BRINP3: variants seen among roughly 807,000 people sequenced by gnomAD.
BRINP3 encodes the protein BMP/retinoic acid-inducible neural-specific protein 3.
BRINP3 carries 19 observed loss-of-function variants against 71.0 expected under a neutral mutation model. That is an observed-to-expected ratio of 0.27 (90% CI 0.19 to 0.39). The LOEUF (loss-of-function observed/expected upper bound fraction) is 0.39. Ranked by LOEUF, BRINP3 falls within the 10% of genes least tolerant of loss-of-function variation. The pLI is 1.00. For synonymous variants in BRINP3, 380 were observed against 337.7 expected, an observed-to-expected ratio of 1.13 and a Z score of -1.37; for missense variants, 959 against 940.8, an observed-to-expected ratio of 1.02 and a Z score of -0.25.
intron 3 of BRINP3, among the ~76,000 whole-genome samples, chr1:190,276,211 GAAAT>G (rs1427864370): frequency 1.3e-5 from 2 of 151,312 alleles, no homozygotes; most frequent in Admixed American, 6.6e-5. Context: ...ATTTCTTTAA[GAAAT>G]AAATTATTTA....
rs544423023 is a variant in BRINP3, at chr1:190,264,889, A to C, written c.594T>G (p.Ile198Met). Residue 198 changes from isoleucine to methionine, a missense_variant, in exon 4 of 8, where the codon ATT (isoleucine) becomes ATG (methionine). Transcript: ENST00000367462. ...CCTTTATGGCAGTGGATGCAATTTG[A>C]ATGTGGTGAAGTCTCCGAAGGGTGC... ...RDSTLRRLHHIQIASTAIKVT... is the reference protein window; with the variant it reads ...RDSTLRRLHHMQIASTAIKVT... 34 of 1,613,250 alleles carry C rather than the reference A, an allele frequency of 2.1e-5. No individual in the cohort carries two copies. The Middle Eastern group carries it at 5.0e-4, about 23-fold the overall frequency.
chr1:190,263,954 G>A (rs998035274), intron 4 of BRINP3, among the ~76,000 whole-genome samples: 3 of 152,052 alleles, frequency 2.0e-5, no homozygotes, highest in South Asian at 2.1e-4. Flanking sequence ...GTAATACAAC[G>A]TTACATTTAA....
chr1:190,204,990 CA>C (rs35361616), intron 6 of BRINP3, among the ~76,000 whole-genome samples: 84,042 of 142,752 alleles, frequency 0.59, 24,232 homozygotes, highest in African/African-American at 0.71. Context: ...TTTCCTTTGG[CA>C]AAAAAAAAAA....
At chr1:190,198,775 A>T (rs1437361187) in intron 6 of BRINP3, among the ~76,000 whole-genome samples, 1 of 152,170 alleles carries the variant, frequency 6.6e-6, no homozygotes, top group Admixed American at 6.5e-5. Flanking sequence ...AACAAAATCA[A>T]CAAGTCTCTA....
At chr1:190,216,480 T>C (rs983506403) in intron 6 of BRINP3, among the ~76,000 whole-genome samples, 2 of 151,860 alleles carry the variant, frequency 1.3e-5, no homozygotes. Context: ...TCTATAAATA[T>C]TGTTATTAGA....
chr1:190,184,105 T>A (rs899203987), intron 6 of BRINP3, among the ~76,000 whole-genome samples: 2 of 152,164 alleles, frequency 1.3e-5, no homozygotes, highest in African/African-American at 4.8e-5. Flanking sequence ...TCCAAAGAAT[T>A]GATAGCTGTA....
chr1:190,392,835 T>C (rs1047962312), intron 2 of BRINP3, among the ~76,000 whole-genome samples: 16 of 151,688 alleles, frequency 1.1e-4, no homozygotes, highest in Non-Finnish European at 2.2e-4. Context: ...AAAACAGTAA[T>C]TAGCATTCTC....
chr1:190,434,264 C>T (rs1301615917), intron 2 of BRINP3, among the ~76,000 whole-genome samples: 2 of 151,954 alleles, frequency 1.3e-5, no homozygotes, highest in Non-Finnish European at 2.9e-5. Context: ...TGCCCACCAC[C>T]ACGCCTGGCT....
chr1:190,136,163 G>A (rs1422956905), intron 7 of BRINP3, among the ~76,000 whole-genome samples: 1 of 151,942 alleles, frequency 6.6e-6, no homozygotes, highest in East Asian at 1.9e-4. Context: ...CATATTAAGA[G>A]AGTATTCATA....
chr1:190,228,775 C>T (rs889267705), intron 5 of BRINP3, among the ~76,000 whole-genome samples: 3 of 120,456 alleles, frequency 2.5e-5, no homozygotes, highest in Admixed American at 9.6e-5. Flanking sequence ...TGGTTCAGGG[C>T]TGGCCACGGA....
intron 2 of BRINP3, among the ~76,000 whole-genome samples, chr1:190,428,863 TA>T (rs2102495630): frequency 6.6e-6 from 1 of 152,208 alleles, no homozygotes; most frequent in African/African-American, 2.4e-5. Context: ...ATTTTCCAAG[TA>T]AATTTTTTGA....
intron 7 of BRINP3, among the ~76,000 whole-genome samples, chr1:190,139,920 C>A (rs1382642403): frequency 6.6e-6 from 1 of 152,142 alleles, no homozygotes; most frequent in Non-Finnish European, 1.5e-5. Context: ...TGAGGGCTTG[C>A]TTTCTATTGG....
At chr1:190,441,154 C>A (rs536010289) in intron 2 of BRINP3, among the ~76,000 whole-genome samples, 1 of 151,606 alleles carries the variant, frequency 6.6e-6, no homozygotes, top group South Asian at 2.1e-4. Flanking sequence ...AAAAAAAAAA[C>A]CTAGAAATTA....
rs187896796 is a variant in BRINP3 at position 190,138,050 on chromosome 1, G to T, written c.1184+22618C>A. Among the ~76,000 whole-genome samples, 549 of 152,188 alleles carry T rather than the reference G, an allele frequency of 3.6e-3. 3 individuals are homozygous for T. Among genetic ancestry groups the T allele is most frequent in the Non-Finnish European group, 5.4e-3 (364 of 68,008 alleles). ...GCTCACCGCAACCTCTGCCTCCCAG[G>T]TTCAAGCGATTCTCCTGCCTCAGCC... On this transcript the variant is annotated intron_variant, in intron 7 of 7. Transcript: ENST00000367462.
At chr1:190,226,351 AC>A in intron 5 of BRINP3, 33 bp from the exon 6 acceptor site, 1 of 1,324,702 alleles carries the variant, frequency 7.5e-7, no homozygotes, top group South Asian at 1.5e-5. Context: ...TAACAAATTT[AC>A]TTTGTTAAAG....
intron 2 of BRINP3, among the ~76,000 whole-genome samples, chr1:190,289,954 C>T (rs568152050): frequency 2.0e-5 from 3 of 151,992 alleles, no homozygotes; most frequent in Non-Finnish European, 2.9e-5. Flanking sequence ...ATTTTTAAGA[C>T]TCAAATGAAT....
chr1:190,223,604 A>C, intron 6 of BRINP3, among the ~76,000 whole-genome samples: 1 of 151,906 alleles, frequency 6.6e-6, no homozygotes, highest in Admixed American at 6.6e-5. Flanking sequence ...CCTTTTCTTT[A>C]AAGACTGGAA....
At chr1:190,299,779 G>C (rs2102991834) in intron 2 of BRINP3, among the ~76,000 whole-genome samples, 2 of 152,006 alleles carry the variant, frequency 1.3e-5, no homozygotes, top group Middle Eastern at 3.4e-3. Context: ...TTGCTTGTCT[G>C]TAAAGTATTT....
chr1:190,257,932 G>C (rs1660816929), intron 4 of BRINP3, among the ~76,000 whole-genome samples: 1 of 152,120 alleles, frequency 6.6e-6, no homozygotes, highest in Non-Finnish European at 1.5e-5. Flanking sequence ...TAGGCTACAT[G>C]GGGGGTCAGG....
Sources: allele counts gnomAD v4.1 joint callset (sites outside exome capture counted in the v4.1 genomes callset), GRCh38; gene constraint gnomAD v4.1.1; transcripts MANE v1.5; gene names NCBI Gene and HGNC (gene_info 2026-07-23, HGNC 2026-07-21).